ADAMTS3: variants seen among roughly 807,000 people sequenced by gnomAD.
The protein encoded by ADAMTS3 is ADAM metallopeptidase with thrombospondin type 1 motif 3.
In ADAMTS3, 73 loss-of-function variants were observed where a neutral mutation model predicts 129.0. The observed-to-expected ratio is 0.57, with a 90% CI of 0.47 to 0.69. The LOEUF is 0.69. Among genes scored for constraint, ADAMTS3 ranks in the 30% least tolerant of loss-of-function variants. The pLI is 0.00. For missense variants in ADAMTS3, 1,457 were observed against 1,514.5 expected, an observed-to-expected ratio of 0.96 and a Z score of 0.63; for synonymous variants, 477 against 510.8, an observed-to-expected ratio of 0.93 and a Z score of 0.89.
At chr4:72,566,706 A>G (rs1207613141) in intron 2 of ADAMTS3, among the ~76,000 whole-genome samples, 1 of 152,240 alleles carries the variant, frequency 6.6e-6, no homozygotes, top group Non-Finnish European at 1.5e-5. Flanking sequence ...ATTATTCTAA[A>G]CAGCTTCAAG....
chr4:72,377,728 G>C (rs922680298), intron 4 of ADAMTS3, among the ~76,000 whole-genome samples: 6 of 152,148 alleles, frequency 3.9e-5, no homozygotes, highest in Non-Finnish European at 7.4e-5. Context: ...AGTGGCCTTT[G>C]ATGTTGCCAG....
intron 4 of ADAMTS3, among the ~76,000 whole-genome samples, chr4:72,364,240 C>G (rs565354862): frequency 2.0e-5 from 3 of 151,972 alleles, no homozygotes; most frequent in South Asian, 4.2e-4. Flanking sequence ...AGAGAAAAAA[C>G]GACAATAGAA....
intron 4 of ADAMTS3, among the ~76,000 whole-genome samples, chr4:72,392,629 G>T (rs1481058498): frequency 6.6e-6 from 1 of 152,152 alleles, no homozygotes; most frequent in Non-Finnish European, 1.5e-5. Context: ...AAGAGGAAAA[G>T]AATAGAAGAG....
chr4:72,339,605 G>A lies in ADAMTS3; in HGVS notation c.750C>T (p.His250=), dbSNP rs142264188. 35 of 1,613,816 alleles carry A rather than the reference G, an allele frequency of 2.2e-5. No homozygotes were observed. The highest frequency in any genetic ancestry group is 2.7e-5 in the Non-Finnish European group (32 of 1,179,896). ...QLNETMRRRR[H]AGENDYNIEV... ...CGATATTGTAATCGTTTTCTCCCGC[G>A]TGTCTGCGGCGTCTCATTGTTTCAT... Residue 250 remains histidine, a synonymous_variant, in exon 5 of 22, where the codon CAC becomes CAT. Transcript: ENST00000286657.
chr4:72,311,837 T>C (rs1478533302), intron 13 of ADAMTS3, among the ~76,000 whole-genome samples: 2 of 152,148 alleles, frequency 1.3e-5, no homozygotes, highest in Non-Finnish European at 2.9e-5. Flanking sequence ...AATTTCCAAA[T>C]ATATCTTTAA....
intron 3 of ADAMTS3, among the ~76,000 whole-genome samples, chr4:72,494,316 C>G (rs1485048331): frequency 6.6e-6 from 1 of 152,042 alleles, no homozygotes; most frequent in East Asian, 1.9e-4. Flanking sequence ...TGGGTCCTCA[C>G]ATTTTTAGAT....
In ADAMTS3 at chr4:72,493,456, A is replaced by G. The variant is rs181312500; in HGVS notation, c.504+55022T>C. Among the ~76,000 whole-genome samples the G allele has an allele frequency of 7.2e-4, 109 of 152,090 alleles. 1 individual carries two copies. The highest frequency in any genetic ancestry group is 2.5e-3 in the African/African-American group (105 of 41,556). On this transcript the variant is annotated intron_variant, in intron 3 of 21. Coordinates refer to ENST00000286657, the MANE Select transcript of ADAMTS3 (RefSeq NM_014243.3). ...CTGATAGTTTTAACCTTCTATTTTA[A>G]GTTGATAACAACTTAACTCTAATCT... is the stretch of plus-strand genomic sequence containing the variant.
chr4:72,559,742 ATAG>A (rs981075175), intron 2 of ADAMTS3, among the ~76,000 whole-genome samples: 20 of 152,060 alleles, frequency 1.3e-4, no homozygotes, highest in South Asian at 2.1e-4. Context: ...TATGAAGTAA[ATAG>A]TAGTATTTTC....
chr4:72,549,991 AGAG>A lies in ADAMTS3; in HGVS notation c.98-1110_98-1108del, dbSNP rs766536560. On this transcript the variant is annotated intron_variant, in intron 2 of 21. Transcript: ENST00000286657. ...AAGAAGAAGAAGAAGAAGAAGAAGA[AGAG>A]GAAGAGGAAGAAGAAGAAGAAGAAG... is the stretch of plus-strand genomic sequence containing the variant. Among the ~76,000 whole-genome samples the A allele has an allele frequency of 1.0e-2, 241 of 24,126 alleles. 6 individuals are homozygous for A. Among genetic ancestry groups the A allele is most frequent in the South Asian group, 0.021 (12 of 580 alleles). 15.8% of individuals were successfully genotyped at this position (24,126 alleles called of 152,430 possible). A position where few individuals can be genotyped will look rare whatever the true frequency, so the allele number is the denominator to read the frequency against.
Position 72,334,851 on chromosome 4 carries a change from T to C in ADAMTS3, c.861+4643A>G, listed in dbSNP as rs528152360. 2.9e-4 allele frequency among the ~76,000 whole-genome samples: 44 copies of C among 152,320 alleles called. No individual in the cohort carries two copies. The Middle Eastern group carries it at 0.017, about 59-fold the overall frequency. ...AACATTAAAACCTTGGATATGTTCATATCCATGTGTTTCTTCTTCATATAG... is the reference window on the plus strand; with the variant it reads ...AACATTAAAACCTTGGATATGTTCACATCCATGTGTTTCTTCTTCATATAG... On this transcript the variant is annotated intron_variant, in intron 5 of 21. Coordinates refer to ENST00000286657, the MANE Select transcript of ADAMTS3 (RefSeq NM_014243.3).
intron 3 of ADAMTS3, among the ~76,000 whole-genome samples, chr4:72,528,706 C>G (rs1720880364): frequency 6.6e-6 from 1 of 152,030 alleles, no homozygotes; most frequent in Non-Finnish European, 1.5e-5. Flanking sequence ...TCGTAACACT[C>G]TCTTTATTTT....
At chr4:72,326,265 C>G (rs1454396240) in intron 5 of ADAMTS3, among the ~76,000 whole-genome samples, 1 of 152,072 alleles carries the variant, frequency 6.6e-6, no homozygotes, top group African/African-American at 2.4e-5. Context: ...AACCAGCTGT[C>G]TGTACTGTAC....
chr4:72,524,008 CCTTTTAGGTTTTAACTGCCAAAAA>C (rs1720742845), intron 3 of ADAMTS3, among the ~76,000 whole-genome samples: 1 of 151,876 alleles, frequency 6.6e-6, no homozygotes, highest in South Asian at 2.1e-4. Flanking sequence ...AATGTATTTC[CCTTTTAGGTTTTAACTGCCAAAAA>C]CTTTAGAGCA....
intron 4 of ADAMTS3, among the ~76,000 whole-genome samples, chr4:72,358,084 G>A (rs533553215): frequency 6.6e-6 from 1 of 151,988 alleles, no homozygotes; most frequent in East Asian, 1.9e-4. Flanking sequence ...TACTTCCTAG[G>A]GGGTGGAATG....
chr4:72,415,207 T>C (rs1722275414), intron 3 of ADAMTS3, among the ~76,000 whole-genome samples: 1 of 151,966 alleles, frequency 6.6e-6, no homozygotes, highest in African/African-American at 2.4e-5. Flanking sequence ...GAATACAAAA[T>C]TTACATAGGA....
intron 4 of ADAMTS3, among the ~76,000 whole-genome samples, chr4:72,342,030 T>C (rs1450362696): frequency 6.6e-6 from 1 of 152,236 alleles, no homozygotes; most frequent in African/African-American, 2.4e-5. Flanking sequence ...ATAATGAATT[T>C]GTCTTAGTAA....
intron 3 of ADAMTS3, among the ~76,000 whole-genome samples, chr4:72,442,995 G>A (rs537176857): frequency 4.0e-4 from 61 of 151,744 alleles, no homozygotes; most frequent in African/African-American, 1.3e-3. Context: ...ATACTACAAC[G>A]ATAAAAGGTT....
intron 3 of ADAMTS3, among the ~76,000 whole-genome samples, chr4:72,544,324 C>T (rs1721412427): frequency 6.6e-6 from 1 of 152,016 alleles, no homozygotes; most frequent in African/African-American, 2.4e-5. Context: ...AGTAAAGTCT[C>T]CCTTTTAAAT....
In ADAMTS3 at chr4:72,541,664, T is replaced by C. The variant is rs147662110; in HGVS notation, c.504+6814A>G. Among the ~76,000 whole-genome samples, 858 of 152,256 alleles carry C rather than the reference T, an allele frequency of 5.6e-3. 3 individuals carry two copies. Among genetic ancestry groups the C allele is most frequent in the Non-Finnish European group, 9.6e-3 (651 of 68,014 alleles). ...TGGGGGTGCGTTTTTCCCATGCTGT[T>C]TTTGTGATAGTGAATATGTCTCATG... is the stretch of plus-strand genomic sequence containing the variant. On this transcript the variant is annotated intron_variant, in intron 3 of 21. Coordinates refer to ENST00000286657, the MANE Select transcript of ADAMTS3 (RefSeq NM_014243.3).
Sources: allele counts gnomAD v4.1 joint callset (sites outside exome capture counted in the v4.1 genomes callset), GRCh38; gene constraint gnomAD v4.1.1; transcripts MANE v1.5; gene names NCBI Gene and HGNC (gene_info 2026-07-23, HGNC 2026-07-21).